Variants in TCF12 observed in about 807,000 individuals in gnomAD.
The protein encoded by TCF12 is DNA-binding protein HTF4.
In TCF12, 45 loss-of-function variants were observed where a neutral mutation model predicts 86.0. The observed-to-expected ratio is 0.52, with a 90% CI of 0.41 to 0.67. The LOEUF is 0.67. Ranked by LOEUF, TCF12 falls within the 30% of genes least tolerant of loss-of-function variation. TCF12 has a pLI of 0.00. For synonymous variants in TCF12, 330 were observed against 299.6 expected (o/e 1.10, Z -1.05); for missense variants, 881 against 859.9 (o/e 1.02, Z -0.31).
intron 4 of TCF12, among the ~76,000 whole-genome samples, chr15:57,074,134 A>T (rs1197096595): frequency 6.6e-6 from 1 of 152,134 alleles, no homozygotes; most frequent in Non-Finnish European, 1.5e-5. Flanking sequence ...TAAATGAGCC[A>T]TAGGATGAAT....
intron 3 of TCF12, among the ~76,000 whole-genome samples, chr15:56,997,601 C>T (rs1442572340): frequency 1.3e-5 from 2 of 152,160 alleles, no homozygotes; most frequent in Admixed American, 6.5e-5. Flanking sequence ...CAAACCTGCA[C>T]ATATACCCCC....
At chr15:57,076,522 A>G (rs955259721) in intron 4 of TCF12, among the ~76,000 whole-genome samples, 4 of 151,812 alleles carry the variant, frequency 2.6e-5, no homozygotes, top group Admixed American at 2.0e-4. Context: ...GCGTGGTGGC[A>G]GGCGCCTGTA....
intron 5 of TCF12, among the ~76,000 whole-genome samples, chr15:57,106,267 G>A (rs564956081): frequency 4.4e-4 from 67 of 152,340 alleles, no homozygotes; most frequent in African/African-American, 1.6e-3. Context: ...CTTGAGTTTA[G>A]TTGATAGTAA....
intron 3 of TCF12, among the ~76,000 whole-genome samples, chr15:57,025,315 A>G (rs1225646292): frequency 6.6e-6 from 1 of 152,142 alleles, no homozygotes; most frequent in African/African-American, 2.4e-5. Flanking sequence ...CCTGACCTCA[A>G]GTGATCGCCT....
chr15:57,080,031 C>G (rs1164738549), intron 4 of TCF12, among the ~76,000 whole-genome samples: 1 of 152,142 alleles, frequency 6.6e-6, no homozygotes, highest in Non-Finnish European at 1.5e-5. Flanking sequence ...GATGCTCTTT[C>G]AAATTGAAAA....
At chr15:56,951,274 T>G (rs2061262781) in intron 3 of TCF12, among the ~76,000 whole-genome samples, 2 of 152,236 alleles carry the variant, frequency 1.3e-5, no homozygotes, top group Non-Finnish European at 2.9e-5. Flanking sequence ...CACTGTGGTT[T>G]TCATTTGTGT....
At chr15:57,008,846 A>G (rs551261361) in intron 3 of TCF12, among the ~76,000 whole-genome samples, 2 of 152,316 alleles carry the variant, frequency 1.3e-5, no homozygotes, top group South Asian at 2.1e-4. Context: ...GCAATATTTC[A>G]TGATGTCCAT....
At chr15:56,954,332 T>C (rs1449869244) in intron 3 of TCF12, among the ~76,000 whole-genome samples, 2 of 152,272 alleles carry the variant, frequency 1.3e-5, no homozygotes, top group South Asian at 2.1e-4. Flanking sequence ...GGATTCCCTG[T>C]TTAATAAGTG....
At position 57,133,295 on chromosome 15, in the gene TCF12, G is replaced by A. The variant is rs2615239; in HGVS notation, c.326-33107G>A. Among the ~76,000 whole-genome samples the A allele has an allele frequency of 8.5e-3, 1,291 of 152,336 alleles. 27 individuals carry two copies. Among genetic ancestry groups the A allele is most frequent in the African/African-American group, 0.029 (1,218 of 41,580 alleles). Reference sequence around the variant, plus strand: ...CACTGCGTGCCTTGCTTAGCCTGCCGTGTAAAGTCAGTTGCCTCACTCGAA... The same window carrying A: ...CACTGCGTGCCTTGCTTAGCCTGCCATGTAAAGTCAGTTGCCTCACTCGAA... On this transcript the variant is annotated intron_variant, in intron 5 of 20. Coordinates refer to ENST00000333725, the MANE Select transcript of TCF12 (RefSeq NM_207037.2).
intron 4 of TCF12, among the ~76,000 whole-genome samples, chr15:57,078,466 A>T (rs1249802905): frequency 1.3e-5 from 2 of 152,136 alleles, no homozygotes; most frequent in African/African-American, 4.8e-5. Context: ...TTTTCAGATA[A>T]TGTCTCTCTC....
chr15:57,106,002 G>A (rs563493711), intron 5 of TCF12, among the ~76,000 whole-genome samples: 1 of 152,340 alleles, frequency 6.6e-6, no homozygotes, highest in South Asian at 2.1e-4. Context: ...AAAGCAGCCA[G>A]AAATTAGAGA....
chr15:57,043,982 G>A (rs12442326), intron 3 of TCF12, among the ~76,000 whole-genome samples: 6,132 of 151,576 alleles, frequency 0.04, 373 homozygotes, highest in Admixed American at 0.17. Context: ...AAACTATGAT[G>A]GAAAGAAAGT....
intron 4 of TCF12, among the ~76,000 whole-genome samples, chr15:57,075,453 T>C (rs1337743968): frequency 6.6e-6 from 1 of 152,192 alleles, no homozygotes; most frequent in Non-Finnish European, 1.5e-5. Context: ...TCACTGAAAT[T>C]AGTTGTGGAA....
chr15:57,278,964 T>C (rs2061554505), intron 19 of TCF12, among the ~76,000 whole-genome samples: 1 of 150,882 alleles, frequency 6.6e-6, no homozygotes, highest in African/African-American at 2.4e-5. Context: ...TCTCCTTTCC[T>C]TTCTTTTCTT....
chr15:57,265,669 T>TA (rs2060828494), intron 18 of TCF12, among the ~76,000 whole-genome samples: 1 of 152,022 alleles, frequency 6.6e-6, no homozygotes, highest in Non-Finnish European at 1.5e-5. Flanking sequence ...TAACTCTTAT[T>TA]TATATCAATT....
rs532180381 is a variant in TCF12, at chr15:57,276,708, G to C, written c.1978+3446G>C. On this transcript the variant is annotated intron_variant, in intron 19 of 20. Coordinates refer to ENST00000333725, the MANE Select transcript of TCF12 (RefSeq NM_207037.2). Reference sequence around the variant, plus strand: ...GAATCAAAATATCATCAGCGTTCTGGACAGTAGTACTGGATTCCAGGAGAT... The same window carrying C: ...GAATCAAAATATCATCAGCGTTCTGCACAGTAGTACTGGATTCCAGGAGAT... Among the ~76,000 whole-genome samples the C allele has an allele frequency of 2.0e-5, 3 of 151,506 alleles. 1 individual carries two copies. Among genetic ancestry groups the C allele is most frequent in the African/African-American group, 7.3e-5 (3 of 41,374 alleles).
chr15:56,986,127 TAAAG>T (rs1255146451), intron 3 of TCF12, among the ~76,000 whole-genome samples: 1 of 152,140 alleles, frequency 6.6e-6, no homozygotes, highest in African/African-American at 2.4e-5. Flanking sequence ...TTAAATCCTT[TAAAG>T]AAACAGTTTT....
At chr15:57,197,878 T>A in intron 8 of TCF12, 53 bp downstream of exon 8, 1 of 1,569,828 alleles carries the variant, frequency 6.4e-7, no homozygotes, top group Non-Finnish European at 8.8e-7. Flanking sequence ...TTTCAAGTGT[T>A]CCGTATTACC....
intron 5 of TCF12, chr15:57,129,856 C>G (rs2051970809): frequency 6.6e-6 from 1 of 152,192 alleles, no homozygotes; most frequent in African/African-American, 2.4e-5. Flanking sequence ...TTACAGTTAG[C>G]TTGTGAACGC....
Sources: allele counts gnomAD v4.1 joint callset (sites outside exome capture counted in the v4.1 genomes callset), GRCh38; gene constraint gnomAD v4.1.1; transcripts MANE v1.5; gene names NCBI Gene and HGNC (gene_info 2026-07-23, HGNC 2026-07-21).